The following WWOX variants were observed in gnomAD, a reference collection of about 807,000 sequenced individuals.
WWOX encodes the protein WW domain containing oxidoreductase, also known as WW domain-containing oxidoreductase.
In WWOX, 69 loss-of-function variants were observed where a neutral mutation model predicts 46.2. The ratio of observed to expected loss-of-function variants is 1.49; its 90% CI spans 1.23 to 1.82. The LOEUF (loss-of-function observed/expected upper bound fraction) is 1.82. Among genes scored for constraint, WWOX ranks in the 40% most tolerant of loss-of-function variants. WWOX has a pLI of 0.00. For missense variants in WWOX, 919 were observed against 542.6 expected (o/e 1.69, Z -6.89); for synonymous variants, 359 against 202.6 (o/e 1.77, Z -6.56).
chr16:78,977,477 G>T (rs2046595636), intron 8 of WWOX, among the ~76,000 whole-genome samples: 1 of 152,158 alleles, frequency 6.6e-6, no homozygotes, highest in African/African-American at 2.4e-5. Flanking sequence ...CAGTAGGCCT[G>T]TCCTTTACTT....
rs980007058 is a variant in WWOX, at chr16:79,112,373, A to C, written c.1057-99235A>C. Among the ~76,000 whole-genome samples, 9 of 152,260 alleles carry C rather than the reference A, an allele frequency of 5.9e-5. No homozygotes were observed. The East Asian group carries it at 1.7e-3, about 30-fold the overall frequency. On this transcript the variant is annotated intron_variant, in intron 8 of 8. Coordinates refer to ENST00000566780, the MANE Select transcript of WWOX (RefSeq NM_016373.4). ...TCATGACAGACCAAAAGAGCCAGAG[A>C]GTTGGGGAACATAATTTCCTTTGCT...
intron 8 of WWOX, among the ~76,000 whole-genome samples, chr16:78,725,183 C>G (rs950682364): frequency 6.6e-6 from 1 of 151,154 alleles, no homozygotes; most frequent in Non-Finnish European, 1.5e-5. Context: ...CTCTCATTTT[C>G]TCTTGCCTAC....
chr16:78,539,818 G>A (rs1028650270), intron 8 of WWOX, among the ~76,000 whole-genome samples: 1 of 152,074 alleles, frequency 6.6e-6, no homozygotes, highest in East Asian at 1.9e-4. Context: ...TTTGATGCTG[G>A]GAATGCGTTC....
intron 8 of WWOX, among the ~76,000 whole-genome samples, chr16:78,632,966 T>C (rs926513450): frequency 6.6e-6 from 1 of 151,972 alleles, no homozygotes; most frequent in African/African-American, 2.4e-5. Flanking sequence ...ATTTTACAGA[T>C]GAAGAAGTTA....
chr16:78,953,875 G>C (rs998754254), intron 8 of WWOX, among the ~76,000 whole-genome samples: 1 of 152,140 alleles, frequency 6.6e-6, no homozygotes, highest in Admixed American at 6.6e-5. Context: ...GAGTTTATTT[G>C]ACACTTTTCA....
chr16:78,553,855 GC>G (rs1175218754), intron 8 of WWOX, among the ~76,000 whole-genome samples: 1 of 152,022 alleles, frequency 6.6e-6, no homozygotes, highest in African/African-American at 2.4e-5. Context: ...AAGTGTGGCT[GC>G]CCGGAGAGCT....
chr16:78,131,553 T>A (rs1231662095), intron 4 of WWOX, among the ~76,000 whole-genome samples: 1 of 152,016 alleles, frequency 6.6e-6, no homozygotes, highest in Non-Finnish European at 1.5e-5. Context: ...GTATTTCTAT[T>A]TGTATTTAAA....
Position 78,904,353 on chromosome 16 carries a change from C to G in WWOX, c.1057-307255C>G, listed in dbSNP as rs559605300. On this transcript the variant is annotated intron_variant, in intron 8 of 8. Transcript: ENST00000566780. ...TCCCGGGTTCAAGCAATTCTCCTGC[C>G]TCAGCGTCCTGAGTAGCTGGGACAA... 4.6e-5 allele frequency among the ~76,000 whole-genome samples: 7 copies of G among 150,916 alleles called. No individual in the cohort carries two copies. In the East Asian group the frequency reaches 1.4e-3, roughly 30 times the overall value.
intron 8 of WWOX, among the ~76,000 whole-genome samples, chr16:79,086,540 T>A (rs895322275): frequency 3.9e-5 from 6 of 152,198 alleles, no homozygotes; most frequent in Non-Finnish European, 5.9e-5. Flanking sequence ...TAATGAATGC[T>A]TCTCTCCCTC....
At chr16:78,375,257 T>C (rs533912412) in intron 5 of WWOX, among the ~76,000 whole-genome samples, 4 of 152,338 alleles carry the variant, frequency 2.6e-5, no homozygotes, top group East Asian at 3.9e-4. Context: ...CAAGCACATA[T>C]CCGTCACACG....
intron 5 of WWOX, among the ~76,000 whole-genome samples, chr16:78,384,803 G>A (rs745835976): frequency 1.3e-5 from 2 of 152,128 alleles, no homozygotes; most frequent in Non-Finnish European, 2.9e-5. Flanking sequence ...GTTGGGGTTT[G>A]GGGACATAAT....
chr16:78,614,424 C>T (rs116102730), intron 8 of WWOX, among the ~76,000 whole-genome samples: 3,825 of 152,288 alleles, frequency 0.025, 184 homozygotes, highest in African/African-American at 0.088. Context: ...TGAGCCGGGG[C>T]CCTGAGGTAT....
chr16:78,362,796 ATCT>A (rs1391179382), intron 5 of WWOX, among the ~76,000 whole-genome samples: 1 of 152,204 alleles, frequency 6.6e-6, no homozygotes, highest in Non-Finnish European at 1.5e-5. Flanking sequence ...CACAAGCATT[ATCT>A]TCTTTAATCA....
chr16:78,651,435 C>G (rs1176631052), intron 8 of WWOX, among the ~76,000 whole-genome samples: 1 of 152,154 alleles, frequency 6.6e-6, no homozygotes, highest in African/African-American at 2.4e-5. Context: ...GAACAAGTCC[C>G]CTGGAGGTCA....
chr16:78,813,331 C>G lies in WWOX; in HGVS notation c.1056+380579C>G, dbSNP rs145805027. Among the ~76,000 whole-genome samples the G allele has an allele frequency of 1.8e-4, 28 of 151,962 alleles. 1 individual carries two copies. The South Asian group carries it at 3.7e-3, about 20-fold the overall frequency. On this transcript the variant is annotated intron_variant, in intron 8 of 8. Transcript: ENST00000566780. ...TAAATATACAGCCTTAAAAAAAACA[C>G]TCAGAAATTTAAGTCCAAGAAGCCT... is the stretch of plus-strand genomic sequence containing the variant.
intron 4 of WWOX, among the ~76,000 whole-genome samples, chr16:78,136,766 A>G (rs2033804693): frequency 1.3e-5 from 2 of 152,180 alleles, no homozygotes; most frequent in African/African-American, 2.4e-5. Flanking sequence ...CATTAGGCAA[A>G]TGGAAGACCA....
At chr16:78,763,728 T>C (rs1477301641) in intron 8 of WWOX, among the ~76,000 whole-genome samples, 2 of 152,208 alleles carry the variant, frequency 1.3e-5, no homozygotes, top group Non-Finnish European at 2.9e-5. Flanking sequence ...ACGAGTTTTG[T>C]CTCAATTCCT....
At chr16:78,141,269 A>G (rs1224477961) in intron 4 of WWOX, among the ~76,000 whole-genome samples, 1 of 152,152 alleles carries the variant, frequency 6.6e-6, no homozygotes, top group Non-Finnish European at 1.5e-5. Flanking sequence ...CACTGCGGAG[A>G]TGGTATGATT....
intron 8 of WWOX, among the ~76,000 whole-genome samples, chr16:78,841,072 C>A (rs77804757): frequency 0.025 from 3,831 of 152,254 alleles, 156 homozygotes; most frequent in African/African-American, 0.087. Flanking sequence ...CGGTAACATA[C>A]ACCTGTGCCC....
Sources: allele counts gnomAD v4.1 joint callset (sites outside exome capture counted in the v4.1 genomes callset), GRCh38; gene constraint gnomAD v4.1.1; transcripts MANE v1.5; gene names NCBI Gene and HGNC (gene_info 2026-07-23, HGNC 2026-07-21).